SNX29: variants seen among roughly 807,000 people sequenced by gnomAD.
The protein encoded by SNX29 is sorting nexin-29.
Under a neutral mutation model 102.1 loss-of-function variants are expected in SNX29, and 78 were observed. The ratio of observed to expected loss-of-function variants is 0.76; its 90% CI spans 0.64 to 0.92. The LOEUF (loss-of-function observed/expected upper bound fraction) is 0.92. Among genes scored for constraint, SNX29 ranks in the 40% least tolerant of loss-of-function variants. SNX29 has a pLI of 0.00. For missense variants in SNX29, 1,280 were observed against 1,061.7 expected, an observed-to-expected ratio of 1.21 and a Z score of -2.86; for synonymous variants, 580 against 414.5, an observed-to-expected ratio of 1.40 and a Z score of -4.85.
intron 13 of SNX29, among the ~76,000 whole-genome samples, chr16:12,191,820 C>T (rs951187625): frequency 3.3e-5 from 5 of 152,312 alleles, no homozygotes; most frequent in Admixed American, 6.5e-5. Flanking sequence ...CCCTTCTTGC[C>T]TTTTATTGGT....
intron 20 of SNX29, among the ~76,000 whole-genome samples, chr16:12,560,208 G>C (rs917036817): frequency 6.9e-6 from 1 of 144,412 alleles, no homozygotes; most frequent in Non-Finnish European, 1.5e-5. Context: ...TTGTAGAAGA[G>C]CAACTACACA....
At chr16:12,040,508 G>C (rs1357721528) in intron 4 of SNX29, among the ~76,000 whole-genome samples, 1 of 152,212 alleles carries the variant, frequency 6.6e-6, no homozygotes, top group Non-Finnish European at 1.5e-5. Context: ...ACTTTCTTAG[G>C]TTTCCCATAA....
intron 14 of SNX29, among the ~76,000 whole-genome samples, chr16:12,255,367 T>G (rs1055912008): frequency 6.6e-6 from 1 of 152,046 alleles, no homozygotes; most frequent in African/African-American, 2.4e-5. Flanking sequence ...GGCTAATTTT[T>G]TTTTAGTAGA....
intron 14 of SNX29, among the ~76,000 whole-genome samples, chr16:12,267,739 A>G (rs1476944563): frequency 6.6e-6 from 1 of 152,134 alleles, no homozygotes; most frequent in Non-Finnish European, 1.5e-5. Context: ...TTTTGGAGGG[A>G]GATCTGAGCT....
intron 20 of SNX29, among the ~76,000 whole-genome samples, chr16:12,553,095 TGGCCTGGGGCTTTCAGGCTGGGAG>T (rs148976400): frequency 0.015 from 2,354 of 152,300 alleles, 54 homozygotes; most frequent in African/African-American, 0.053. Context: ...AGTTCAGGCT[TGGCCTGGGGCTTTCAGGCTGGGAG>T]GGCCTTGGGC....
At chr16:12,156,999 T>A (rs1424970108) in intron 13 of SNX29, among the ~76,000 whole-genome samples, 4 of 152,042 alleles carry the variant, frequency 2.6e-5, no homozygotes, top group Non-Finnish European at 2.9e-5. Flanking sequence ...GGGGCTTGGA[T>A]TTAGGTGCTT....
At chr16:12,551,340 C>T (rs573162649) in intron 20 of SNX29, among the ~76,000 whole-genome samples, 1 of 152,324 alleles carries the variant, frequency 6.6e-6, no homozygotes, top group Non-Finnish European at 1.5e-5. Context: ...TATGTGGAAT[C>T]ATTCTTTTGG....
chr16:12,264,471 T>C (rs2078867958), intron 14 of SNX29, among the ~76,000 whole-genome samples: 1 of 152,228 alleles, frequency 6.6e-6, no homozygotes, highest in Non-Finnish European at 1.5e-5. Context: ...TCACATGTGC[T>C]TATTGCACCA....
At chr16:12,211,954 G>A (rs2077196015) in intron 14 of SNX29, among the ~76,000 whole-genome samples, 1 of 152,174 alleles carries the variant, frequency 6.6e-6, no homozygotes, top group Non-Finnish European at 1.5e-5. Flanking sequence ...GACACATGAA[G>A]TTAATCATTA....
Position 12,486,544 on chromosome 16 carries a change from A to G in SNX29, c.2178+8685A>G, listed in dbSNP as rs1224230508. On this transcript the variant is annotated intron_variant, in intron 19 of 20. Coordinates refer to ENST00000566228, the MANE Select transcript of SNX29 (RefSeq NM_032167.5). Reference sequence around the variant, plus strand: ...ACTTGCTTGGGCCATCTCGCTTGGCAGCGTCAAGGCTGATATCTGGGCCCA... The same window carrying G: ...ACTTGCTTGGGCCATCTCGCTTGGCGGCGTCAAGGCTGATATCTGGGCCCA... Among the ~76,000 whole-genome samples, 5 of 152,234 alleles carry G rather than the reference A, an allele frequency of 3.3e-5. No individual in the cohort carries two copies. In the East Asian group the frequency reaches 9.6e-4, roughly 29 times the overall value.
At chr16:12,223,904 G>A (rs767128713) in intron 14 of SNX29, among the ~76,000 whole-genome samples, 19 of 152,200 alleles carry the variant, frequency 1.2e-4, no homozygotes, top group Non-Finnish European at 2.6e-4. Context: ...GATACGTTCT[G>A]ATCCTTATCC....
At chr16:12,562,519 G>A (rs533191135) in intron 20 of SNX29, among the ~76,000 whole-genome samples, 9 of 152,194 alleles carry the variant, frequency 5.9e-5, no homozygotes, top group Non-Finnish European at 1.3e-4. Context: ...AAGTACACCT[G>A]CTGGTGAATG....
rs1215392380 is a variant in SNX29 at position 12,570,369 on chromosome 16, A to C, written c.*1740A>C. ...ACCTGCCAACATTGCTGCAATACAC[A>C]TGGTTTATCTGAAATTCCAAGGCCA... is the stretch of plus-strand genomic sequence containing the variant. On this transcript the variant is annotated 3_prime_UTR_variant, in exon 21 of 21. Coordinates refer to ENST00000566228, the MANE Select transcript of SNX29 (RefSeq NM_032167.5). 1.5e-5 allele frequency: 7 copies of C among 457,602 alleles called. No individual in the cohort carries two copies. Among genetic ancestry groups the C allele is most frequent in the African/African-American group, 2.0e-5 (1 of 49,354 alleles). 28.3% of individuals were successfully genotyped at this position (457,602 alleles called of 1,614,324 possible).
chr16:12,001,768 A>T (rs1049497746), intron 2 of SNX29, among the ~76,000 whole-genome samples: 9 of 152,168 alleles, frequency 5.9e-5, no homozygotes, highest in African/African-American at 2.2e-4. Context: ...CTGTAATCCC[A>T]GTGCTTTGAG....
intron 4 of SNX29, chr16:12,038,876 T>C (rs62037729): frequency 0.38 from 57,583 of 151,884 alleles, 11,420 homozygotes; most frequent in Middle Eastern, 0.45. Flanking sequence ...TGGCCCAGGG[T>C]GTTGTTGTCG....
rs1567588303 is a variant in SNX29, at chr16:12,462,048, T to TACACACACACACACACACACAC, written c.2038-15670_2038-15669insCACACACACACACACACACACA. On this transcript the variant is annotated intron_variant, in intron 18 of 20. Coordinates refer to ENST00000566228, the MANE Select transcript of SNX29 (RefSeq NM_032167.5). The stretch of plus-strand genomic sequence containing the variant: ...ACACACACACACACACACACACTCT[T>TACACACACACACACACACACAC]ATATATGAGAAAATATCCAGACCAG... Among the ~76,000 whole-genome samples, 14 of 116,160 alleles carry TACACACACACACACACACACAC rather than the reference T, an allele frequency of 1.2e-4. 1 individual carries two copies. In the East Asian group the frequency reaches 2.7e-3, roughly 22 times the overall value. 76.2% of individuals were successfully genotyped at this position (116,160 alleles called of 152,430 possible). A position where few individuals can be genotyped will look rare whatever the true frequency, so the allele number is the denominator to read the frequency against.
At chr16:12,151,936 T>C (rs1274419537) in intron 13 of SNX29, among the ~76,000 whole-genome samples, 1 of 152,178 alleles carries the variant, frequency 6.6e-6, no homozygotes, top group Admixed American at 6.5e-5. Context: ...AAGTTTTGCC[T>C]GTTGGCCAGA....
At chr16:12,477,883 C>G (rs1233127710) in intron 19 of SNX29, 24 bp downstream of exon 19, 1 of 1,559,544 alleles carries the variant, frequency 6.4e-7, no homozygotes, top group African/African-American at 1.4e-5. Flanking sequence ...CTGGGAAGCC[C>G]ACTTGTCACT....
chr16:12,487,030 C>T (rs1293818052), intron 19 of SNX29, among the ~76,000 whole-genome samples: 1 of 152,166 alleles, frequency 6.6e-6, no homozygotes, highest in African/African-American at 2.4e-5. Flanking sequence ...ATCTGTGTGG[C>T]CTCGGGCACG....
Sources: allele counts gnomAD v4.1 joint callset (sites outside exome capture counted in the v4.1 genomes callset), GRCh38; gene constraint gnomAD v4.1.1; transcripts MANE v1.5; gene names NCBI Gene and HGNC (gene_info 2026-07-23, HGNC 2026-07-21).